Variants in RFX3 observed in about 807,000 individuals in gnomAD.
RFX3 encodes transcription factor RFX3.
Under a neutral mutation model 98.6 loss-of-function variants are expected in RFX3, and 14 were observed. That is an observed-to-expected ratio of 0.14 (90% CI 0.09 to 0.22). The LOEUF (loss-of-function observed/expected upper bound fraction) is 0.22, where lower values mean the gene tolerates loss of function less well. RFX3 is among the 10% of genes least tolerant of loss of function. The probability of loss-of-function intolerance (pLI) is 1.00; values close to 1 mark genes in which losing one functional copy is unlikely to be tolerated. For synonymous variants in RFX3, 383 were observed against 328.4 expected, an observed-to-expected ratio of 1.17 and a Z score of -1.80; for missense variants, 639 against 926.9, an observed-to-expected ratio of 0.69 and a Z score of 4.03.
intron 1 of RFX3, among the ~76,000 whole-genome samples, chr9:3,521,579 G>A (rs1329161793): frequency 1.3e-5 from 2 of 152,100 alleles, no homozygotes; most frequent in Non-Finnish European, 2.9e-5. Context: ...GAGTAAAAGT[G>A]AACCTTAGAA....
chr9:3,321,063 C>T (rs1831243792), intron 4 of RFX3, among the ~76,000 whole-genome samples: 1 of 151,750 alleles, frequency 6.6e-6, no homozygotes, highest in Admixed American at 6.6e-5. Context: ...CCACCAAACC[C>T]AGCTAATTTT....
intron 7 of RFX3, among the ~76,000 whole-genome samples, chr9:3,278,364 C>T (rs560089260): frequency 2.0e-3 from 309 of 151,810 alleles, no homozygotes; most frequent in Middle Eastern, 3.4e-3. Flanking sequence ...AACAGAAAAG[C>T]GTAAGAAAAA....
chr9:3,460,040 AAT>A (rs2133042079), intron 1 of RFX3, among the ~76,000 whole-genome samples: 2 of 152,152 alleles, frequency 1.3e-5, no homozygotes, highest in East Asian at 3.9e-4. Context: ...TATTATAACA[AAT>A]GTTCAACTTC....
chr9:3,309,813 G>C (rs1160329772), intron 4 of RFX3, among the ~76,000 whole-genome samples: 1 of 152,280 alleles, frequency 6.6e-6, no homozygotes. Context: ...TTCTAAAGGA[G>C]AGTCCTTCTC....
intron 1 of RFX3, among the ~76,000 whole-genome samples, chr9:3,462,575 A>T (rs542821504): frequency 6.6e-6 from 1 of 152,220 alleles, no homozygotes; most frequent in East Asian, 1.9e-4. Flanking sequence ...AGGCACACAA[A>T]TTAGAAAAGA....
intron 4 of RFX3, among the ~76,000 whole-genome samples, chr9:3,318,087 G>A (rs1830836298): frequency 6.6e-6 from 1 of 152,184 alleles, no homozygotes; most frequent in African/African-American, 2.4e-5. Context: ...GTTTACTGCA[G>A]CACTATTCAC....
At chr9:3,412,179 C>T (rs770787905) in intron 1 of RFX3, among the ~76,000 whole-genome samples, 19 of 152,068 alleles carry the variant, frequency 1.2e-4, no homozygotes, top group Non-Finnish European at 2.2e-4. Context: ...AGAACTACTT[C>T]ATAATAAGAC....
intron 9 of RFX3, 99 bp from the exon 10 acceptor site, chr9:3,271,217 C>T: frequency 1.0e-6 from 1 of 963,640 alleles, no homozygotes; most frequent in Non-Finnish European, 1.6e-6. Flanking sequence ...TCAAGTTCTC[C>T]CTTGGGGTCA....
chr9:3,525,866 G>T lies in RFX3; in HGVS notation c.-128C>A. 2 of 985,504 alleles carry T rather than the reference G, an allele frequency of 2.0e-6. No homozygotes were observed. Among genetic ancestry groups the T allele is most frequent in the Non-Finnish European group, 2.4e-6 (2 of 829,886 alleles). 61.0% of individuals were successfully genotyped at this position (985,504 alleles called of 1,614,324 possible). On this transcript the variant is annotated 5_prime_UTR_variant, in exon 1 of 17. Transcript: ENST00000617270. The stretch of plus-strand genomic sequence containing the variant: ...TAGTTGTTGTTGATGGGTAACAGTC[G>T]CCAGGACTACGGTGACTATGGCGCT...
chr9:3,380,696 G>A (rs961843718), intron 2 of RFX3, among the ~76,000 whole-genome samples: 3 of 152,110 alleles, frequency 2.0e-5, no homozygotes, highest in African/African-American at 7.2e-5. Context: ...CACATTAAAT[G>A]AATGCTAACT....
chr9:3,418,864 A>G (rs1843204789), intron 1 of RFX3, among the ~76,000 whole-genome samples: 1 of 152,214 alleles, frequency 6.6e-6, no homozygotes, highest in African/African-American at 2.4e-5. Flanking sequence ...TTTTCAAAGC[A>G]AGAGACATGA....
chr9:3,309,205 T>A (rs1017983523), intron 4 of RFX3, among the ~76,000 whole-genome samples: 21 of 152,248 alleles, frequency 1.4e-4, no homozygotes, highest in African/African-American at 5.1e-4. Flanking sequence ...CTTCCATGAT[T>A]TCTCAGGAAT....
chr9:3,400,581 T>C (rs1034131629), intron 1 of RFX3, among the ~76,000 whole-genome samples: 1 of 152,204 alleles, frequency 6.6e-6, no homozygotes, highest in South Asian at 2.1e-4. Flanking sequence ...TGTGTCTCCA[T>C]TTTCCTTCAT....
intron 13 of RFX3, among the ~76,000 whole-genome samples, chr9:3,258,754 A>G (rs558457387): frequency 2.2e-4 from 34 of 152,056 alleles, no homozygotes; most frequent in African/African-American, 7.5e-4. Context: ...TGATGTATGT[A>G]CCTTTCAAAC....
chr9:3,421,690 C>T (rs1354340337), intron 1 of RFX3, among the ~76,000 whole-genome samples: 5 of 152,130 alleles, frequency 3.3e-5, no homozygotes, highest in Admixed American at 2.0e-4. Context: ...GCATGGAGCT[C>T]GTTTATTGTC....
intron 3 of RFX3, among the ~76,000 whole-genome samples, chr9:3,343,482 T>C (rs1489808360): frequency 1.3e-5 from 2 of 151,916 alleles, no homozygotes; most frequent in Non-Finnish European, 2.9e-5. Context: ...TAAAAAGAAG[T>C]CATAGAAAGA....
Position 3,231,542 on chromosome 9 carries a change from A to C in RFX3, c.1969-2653T>G, listed in dbSNP as rs895733012. Among the ~76,000 whole-genome samples, 3 of 152,086 alleles carry C rather than the reference A, an allele frequency of 2.0e-5. No homozygotes were observed. The East Asian group carries it at 5.8e-4, about 29-fold the overall frequency. ...AGACATTCCCTATATTCTGAAGGGT[A>C]GGTAGGTTAGCAGAAAAATGAGCGC... On this transcript the variant is annotated intron_variant, in intron 15 of 16. Transcript: ENST00000617270.
chr9:3,327,404 T>C (rs1349140234), intron 4 of RFX3, among the ~76,000 whole-genome samples: 1 of 152,166 alleles, frequency 6.6e-6, no homozygotes, highest in African/African-American at 2.4e-5. Context: ...TTCAGTACAA[T>C]TGAGACGGGG....
chr9:3,273,308 T>C (rs1824748954), intron 9 of RFX3, among the ~76,000 whole-genome samples: 1 of 152,110 alleles, frequency 6.6e-6, no homozygotes, highest in Non-Finnish European at 1.5e-5. Flanking sequence ...AGAGAGATGG[T>C]AGGAACACTG....
Sources: allele counts gnomAD v4.1 joint callset (sites outside exome capture counted in the v4.1 genomes callset), GRCh38; gene constraint gnomAD v4.1.1; transcripts MANE v1.5; gene names NCBI Gene and HGNC (gene_info 2026-07-23, HGNC 2026-07-21).